The following CUL2 variants were observed in gnomAD, a reference collection of about 807,000 sequenced individuals.
CUL2 encodes cullin 2.
CUL2 carries 22 observed loss-of-function variants against 110.2 expected under a neutral mutation model. The observed-to-expected ratio is 0.20, with a 90% confidence interval of 0.14 to 0.28. The LOEUF (loss-of-function observed/expected upper bound fraction) is 0.28, where lower values mean the gene tolerates loss of function less well. CUL2 is among the 10% of genes least tolerant of loss of function. CUL2 has a pLI of 1.00. For missense variants in CUL2, 631 were observed against 905.5 expected (o/e 0.70, Z 3.89); for synonymous variants, 279 against 293.2 (o/e 0.95, Z 0.49).
chr10:35,090,694 G>T (rs1352668594), upstream of CUL2: 1 of 152,328 alleles, frequency 6.6e-6, no homozygotes, highest in Non-Finnish European at 1.5e-5. Context: ...GTGTGATTGC[G>T]AAAGGCCACG....
At chr10:35,028,491 T>C (rs1303212803) in intron 16 of CUL2, among the ~76,000 whole-genome samples, 1 of 152,188 alleles carries the variant, frequency 6.6e-6, no homozygotes, top group Non-Finnish European at 1.5e-5. Context: ...TAAGTGATAT[T>C]TTAGGTGTTG....
chr10:35,015,000 C>T (rs1273850215), intron 18 of CUL2, among the ~76,000 whole-genome samples: 1 of 151,564 alleles, frequency 6.6e-6, no homozygotes, highest in Non-Finnish European at 1.5e-5. Context: ...TAAGAAATCC[C>T]TATTTTGGCC....
At position 35,010,183 on chromosome 10, in the gene CUL2, T is replaced by C. The variant is rs1249905962; in HGVS notation, c.*128A>G. Reference sequence around the variant, plus strand: ...GCTCATGACGTGGCACTGGTGATGTTGTAAACAGCAGAAAACAGGGGCTGC... The same window carrying C: ...GCTCATGACGTGGCACTGGTGATGTCGTAAACAGCAGAAAACAGGGGCTGC... On this transcript the variant is annotated 3_prime_UTR_variant, in exon 21 of 21. Transcript: ENST00000374749. 1.1e-6 allele frequency: 1 copy of C among 925,318 alleles called. No homozygotes were observed. The highest frequency in any genetic ancestry group is 3.2e-5 in the East Asian group (1 of 30,776). The allele number at this position is 925,318 out of a possible 1,614,324, so 57.3% of individuals were successfully genotyped here.
At chr10:35,065,919 A>G (rs1029476555) in intron 2 of CUL2, among the ~76,000 whole-genome samples, 5 of 152,184 alleles carry the variant, frequency 3.3e-5, no homozygotes, top group African/African-American at 1.2e-4. Context: ...CTTTCACTAG[A>G]CTTATCTTTT....
chr10:35,020,043 T>C (rs1435351669), intron 17 of CUL2, among the ~76,000 whole-genome samples: 2 of 152,096 alleles, frequency 1.3e-5, no homozygotes, highest in Non-Finnish European at 2.9e-5. Context: ...CTTTGAAATA[T>C]GCAATATGAA....
rs7896522 is a variant in CUL2 at position 35,049,435 on chromosome 10, A to G, written c.506+248T>C. On this transcript the variant is annotated intron_variant, in intron 6 of 20. Transcript: ENST00000374749. The stretch of plus-strand genomic sequence containing the variant: ...AGTCACTTCCCTCAGATACTTATTT[A>G]TATACTAAGCATATTAGGGTATAAG... Among the ~76,000 whole-genome samples the G allele has an allele frequency of 8.9e-3, 1,348 of 152,182 alleles. 23 individuals carry two copies. Among genetic ancestry groups the G allele is most frequent in the African/African-American group, 0.031 (1,280 of 41,494 alleles).
At position 35,070,888 on chromosome 10, in the gene CUL2, AT is replaced by A. The variant is rs200615688; in HGVS notation, c.119+310del. The stretch of plus-strand genomic sequence containing the variant: ...CTCTTCTTGAAAGCAATGACATTAG[AT>A]TTTTTTTTTTACCTGTTTAGTGTCT... On this transcript the variant is annotated intron_variant, in intron 2 of 20. Transcript: ENST00000374749. 1.8e-3 allele frequency among the ~76,000 whole-genome samples: 267 copies of A among 148,322 alleles called. 1 individual carries two copies. The highest frequency in any genetic ancestry group is 3.9e-3 in the African/African-American group (158 of 40,634).
At chr10:35,060,669 G>A (rs1235498397) in intron 4 of CUL2, among the ~76,000 whole-genome samples, 1 of 152,178 alleles carries the variant, frequency 6.6e-6, no homozygotes, top group Non-Finnish European at 1.5e-5. Flanking sequence ...ACTTTTCACA[G>A]AACGTTCCAC....
chr10:35,117,566 C>G lies in CUL2; in HGVS notation c.-51+9039G>C, dbSNP rs185688307. On this transcript the variant is annotated intron_variant, in intron 1 of 5. Transcript: ENST00000685421. ...TTTAACTGCTGTAAAAGGCAACTAT[C>G]GAAAGCAAAAATAGCACAAGTATTG... Among the ~76,000 whole-genome samples the G allele has an allele frequency of 5.0e-4, 75 of 150,710 alleles. 3 individuals are homozygous for G. The highest frequency in any genetic ancestry group is 4.9e-3 in the Admixed American group (74 of 15,080).
intron 15 of CUL2, 36 bp from the exon 16 acceptor site, chr10:35,028,923 G>T: frequency 8.2e-7 from 1 of 1,217,048 alleles, no homozygotes; most frequent in Non-Finnish European, 1.2e-6. Flanking sequence ...TAAGCTAAAT[G>T]GATCAACATC....
At chr10:35,084,494 C>G (rs922212296) in intron 1 of CUL2, among the ~76,000 whole-genome samples, 3 of 152,154 alleles carry the variant, frequency 2.0e-5, no homozygotes, top group African/African-American at 4.8e-5. Context: ...CTCCAATAAG[C>G]CTTTCCCAAT....
intron 11 of CUL2, 46 bp downstream of exon 11, chr10:35,033,120 A>T (rs1316021723): frequency 8.6e-7 from 1 of 1,165,556 alleles, no homozygotes; most frequent in East Asian, 2.6e-5. Flanking sequence ...CTAAAGAATG[A>T]TAGAGTTTTA....
intron 5 of CUL2, among the ~76,000 whole-genome samples, chr10:35,050,276 G>A (rs1291798738): frequency 1.3e-5 from 2 of 151,110 alleles, no homozygotes; most frequent in Admixed American, 6.6e-5. Flanking sequence ...AGCCCAGATC[G>A]TGCCACTGCA....
At chr10:35,105,008 C>T (rs1246542261) in intron 1 of CUL2, among the ~76,000 whole-genome samples, 2 of 151,564 alleles carry the variant, frequency 1.3e-5, no homozygotes, top group Non-Finnish European at 2.9e-5. Flanking sequence ...GGATTACAGG[C>T]GTGAGCCACC....
chr10:35,115,005 A>T (rs997960988), intron 1 of CUL2, among the ~76,000 whole-genome samples: 1 of 150,276 alleles, frequency 6.7e-6, no homozygotes, highest in Non-Finnish European at 1.5e-5. Context: ...TGAGGTCAGA[A>T]GTTCGAGACC....
chr10:35,031,152 G>A lies in CUL2; in HGVS notation c.1386+148C>T, dbSNP rs1031962107. 5 of 546,692 alleles carry A rather than the reference G, an allele frequency of 9.1e-6. No individual in the cohort carries two copies. Among genetic ancestry groups the A allele is most frequent in the African/African-American group, 7.5e-5 (4 of 53,022 alleles). The allele number at this position is 546,692 out of a possible 1,614,324, so 33.9% of individuals were successfully genotyped here. A position where few individuals can be genotyped will look rare whatever the true frequency, so the allele number is the denominator to read the frequency against. The stretch of plus-strand genomic sequence containing the variant: ...ATATACATTTTGTCCTTTTAATACA[G>A]TATTTGTATATCCCACTGTGTGACT... On this transcript the variant is annotated intron_variant, in intron 14 of 20. Transcript: ENST00000374749. This position sits in a 1 kb window ranked among gnomAD's most constrained non-coding sequence, Gnocchi z 4.4.
chr10:35,097,765 C>G (rs932239108), intron 2 of CUL2, among the ~76,000 whole-genome samples: 5 of 151,824 alleles, frequency 3.3e-5, no homozygotes, highest in Non-Finnish European at 7.4e-5. Context: ...TTGAGACTAC[C>G]CTGGGCAATA....
intron 1 of CUL2, among the ~76,000 whole-genome samples, chr10:35,122,071 C>T (rs981690437): frequency 2.0e-5 from 3 of 152,078 alleles, no homozygotes; most frequent in Non-Finnish European, 2.9e-5. Context: ...ACATTTTTTG[C>T]CAAATGGCAA....
intron 18 of CUL2, among the ~76,000 whole-genome samples, chr10:35,014,757 C>T (rs959077831): frequency 4.6e-5 from 7 of 152,110 alleles, no homozygotes; most frequent in Non-Finnish European, 8.8e-5. Context: ...CACTTGAGCC[C>T]AGGAGGTGGG....
Sources: allele counts gnomAD v4.1 joint callset (sites outside exome capture counted in the v4.1 genomes callset), GRCh38; gene constraint gnomAD v4.1.1; non-coding constraint Gnocchi (gnomAD v3.1); transcripts MANE v1.5; gene names NCBI Gene and HGNC (gene_info 2026-07-23, HGNC 2026-07-21).